Variants in MKLN1 observed in about 807,000 individuals in gnomAD.
The protein encoded by MKLN1 is muskelin 1.
Under a neutral mutation model 99.0 loss-of-function variants are expected in MKLN1, and 18 were observed. The ratio of observed to expected loss-of-function variants is 0.18; its 90% CI spans 0.13 to 0.27. The LOEUF (loss-of-function observed/expected upper bound fraction) is 0.27. Among genes scored for constraint, MKLN1 ranks in the 10% least tolerant of loss-of-function variants. MKLN1 has a pLI of 1.00. For synonymous variants in MKLN1, 288 were observed against 293.2 expected, an observed-to-expected ratio of 0.98 and a Z score of 0.18; for missense variants, 621 against 875.9, an observed-to-expected ratio of 0.71 and a Z score of 3.67.
chr7:131,382,064 T>G (rs1793866221), intron 2 of MKLN1, among the ~76,000 whole-genome samples: 2 of 152,172 alleles, frequency 1.3e-5, no homozygotes, highest in South Asian at 4.1e-4. Context: ...AAAGATGTGC[T>G]AAAAATTAAT....
At chr7:131,333,687 C>A (rs1373651912) in intron 1 of MKLN1, among the ~76,000 whole-genome samples, 7 of 152,124 alleles carry the variant, frequency 4.6e-5, no homozygotes. Context: ...CAGGCATGTG[C>A]CACCATACCC....
intron 3 of MKLN1, among the ~76,000 whole-genome samples, chr7:131,321,580 GT>G (rs1798777151): frequency 6.6e-6 from 1 of 152,000 alleles, no homozygotes; most frequent in South Asian, 2.1e-4. Context: ...AGAATTTAAA[GT>G]AAAATTTAAA....
chr7:131,237,145 T>C (rs1048992788), intron 3 of MKLN1, among the ~76,000 whole-genome samples: 1 of 152,198 alleles, frequency 6.6e-6, no homozygotes, highest in Non-Finnish European at 1.5e-5. Flanking sequence ...CTGGCCTTAG[T>C]GTATATATGC....
chr7:131,236,648 G>A (rs990020283), intron 3 of MKLN1, among the ~76,000 whole-genome samples: 1 of 152,058 alleles, frequency 6.6e-6, no homozygotes, highest in Non-Finnish European at 1.5e-5. Flanking sequence ...GTAACAGAGT[G>A]AGATTCCATC....
In MKLN1 at chr7:131,487,657, A is replaced by G; in HGVS notation, c.2137A>G (p.Thr713Ala). 1 of 1,613,038 alleles carries G rather than the reference A, an allele frequency of 6.2e-7. No homozygotes were observed. The highest frequency in any genetic ancestry group is 1.7e-4 in the Middle Eastern group (1 of 6,052). The change falls in exon 18 of 18, where the codon ACC becomes GCC. Residue 713 changes from threonine (T) to alanine (A), a missense_variant. By Grantham distance (58) the Thr-to-Ala change is moderately conservative. Around this residue, in one of 8 missense-constraint regions of MKLN1, gnomAD observed 126 missense variants for 157.4 expected, o/e 0.80. Coordinates refer to ENST00000352689, the MANE Select transcript of MKLN1 (RefSeq NM_013255.5). This position sits in a 1 kb window ranked among gnomAD's most constrained non-coding sequence, Gnocchi z 4.7. ...TYAQRTQLFD[T>A]LVNFFPDSMT... is the part of the protein sequence containing the mutation. ...TGCTCAAAGAACTCAGCTCTTTGAC[A>G]CCTTAGTAAATTTCTTTCCTGACAG...
In MKLN1 at chr7:131,496,088, C is replaced by G. The variant is rs1437814637; in HGVS notation, c.*8360C>G. On this transcript the variant is annotated 3_prime_UTR_variant, in exon 18 of 18. Coordinates refer to ENST00000352689, the MANE Select transcript of MKLN1 (RefSeq NM_013255.5). ...TCTCAAAAAAAATTGTATTTCTGTG[C>G]ACATTAGCTGAGATTCACACATTTT... 1 of 152,124 alleles carries G rather than the reference C, an allele frequency of 6.6e-6. No individual in the cohort carries two copies. Among genetic ancestry groups the G allele is most frequent in the Non-Finnish European group, 1.5e-5 (1 of 68,032 alleles). The allele number at this position is 152,124 out of a possible 1,614,324, so 9.4% of individuals were successfully genotyped here. A position where few individuals can be genotyped will look rare whatever the true frequency, so the allele number is the denominator to read the frequency against.
chr7:131,370,178 T>G (rs1298991028), intron 1 of MKLN1, among the ~76,000 whole-genome samples: 3 of 152,134 alleles, frequency 2.0e-5, no homozygotes, highest in Non-Finnish European at 4.4e-5. Context: ...GAGTTAACTT[T>G]CTTCTGATGG....
At chr7:131,277,900 A>G (rs887283529) in intron 3 of MKLN1, among the ~76,000 whole-genome samples, 6 of 152,194 alleles carry the variant, frequency 3.9e-5, no homozygotes, top group African/African-American at 1.4e-4. Flanking sequence ...CACCTTTTAT[A>G]TATCAACAAA....
intron 13 of MKLN1, 28 bp from the exon 14 acceptor site, chr7:131,464,266 A>G (rs770934661): frequency 5.8e-6 from 8 of 1,380,590 alleles, no homozygotes; most frequent in African/African-American, 1.4e-5. Context: ...CTAATTCTCT[A>G]GAATGCCTTA....
intron 6 of MKLN1, among the ~76,000 whole-genome samples, chr7:131,410,993 A>G (rs1030597331): frequency 4.6e-5 from 7 of 152,122 alleles, no homozygotes; most frequent in African/African-American, 1.7e-4. Flanking sequence ...ATAATGTCAC[A>G]TACGTGTCCG....
intron 3 of MKLN1, among the ~76,000 whole-genome samples, chr7:131,321,933 T>C (rs1798784305): frequency 6.6e-6 from 1 of 152,240 alleles, no homozygotes; most frequent in African/African-American, 2.4e-5. Flanking sequence ...CCAAATGGTC[T>C]GTATGTCCCA....
At chr7:131,183,530 G>C (rs1796404795) in intron 2 of MKLN1, among the ~76,000 whole-genome samples, 1 of 152,080 alleles carries the variant, frequency 6.6e-6, no homozygotes, top group African/African-American at 2.4e-5. Flanking sequence ...ATGAGAGAAT[G>C]CAAGTTTTCG....
chr7:131,425,133 A>G (rs1457346996), intron 8 of MKLN1, among the ~76,000 whole-genome samples: 4 of 152,330 alleles, frequency 2.6e-5, no homozygotes, highest in African/African-American at 9.6e-5. Context: ...TAAGAAACCA[A>G]TAGTTAAGGA....
intron 12 of MKLN1, among the ~76,000 whole-genome samples, chr7:131,451,847 G>GGTCT (rs1461844017): frequency 6.6e-6 from 1 of 152,146 alleles, no homozygotes; most frequent in Non-Finnish European, 1.5e-5. Context: ...TGTAGAAGAT[G>GGTCT]GTCTGTCACA....
chr7:131,216,422 CA>C (rs34071524), intron 3 of MKLN1, among the ~76,000 whole-genome samples: 65,853 of 116,300 alleles, frequency 0.57, 15,552 homozygotes, highest in Admixed American at 0.62. Context: ...GTCTCTGACT[CA>C]AAAAAAAAAA....
intron 1 of MKLN1, among the ~76,000 whole-genome samples, chr7:131,134,648 C>T (rs1049316447): frequency 1.3e-5 from 2 of 152,168 alleles, no homozygotes; most frequent in East Asian, 1.9e-4. Context: ...AAACCTCTAT[C>T]TAATTGATAA....
At chr7:131,240,407 AGG>A (rs1797384865) in intron 3 of MKLN1, among the ~76,000 whole-genome samples, 1 of 152,210 alleles carries the variant, frequency 6.6e-6, no homozygotes, top group Non-Finnish European at 1.5e-5. Flanking sequence ...ATATTGGCAA[AGG>A]ATATAAATGA....
At chr7:131,350,779 C>T (rs1487251811) in intron 1 of MKLN1, among the ~76,000 whole-genome samples, 2 of 152,142 alleles carry the variant, frequency 1.3e-5, no homozygotes, top group African/African-American at 4.8e-5. Flanking sequence ...AAAAACAAGT[C>T]ACTAGGCCAA....
intron 15 of MKLN1, among the ~76,000 whole-genome samples, chr7:131,469,949 C>T (rs1477698856): frequency 1.3e-5 from 2 of 150,714 alleles, no homozygotes; most frequent in Non-Finnish European, 2.9e-5. Flanking sequence ...AATCATGGCT[C>T]ACTACACCCT....
Sources: allele counts gnomAD v4.1 joint callset (sites outside exome capture counted in the v4.1 genomes callset), GRCh38; gene constraint gnomAD v4.1.1; regional missense constraint gnomAD v4.1.1; non-coding constraint Gnocchi (gnomAD v3.1); transcripts MANE v1.5; gene names NCBI Gene and HGNC (gene_info 2026-07-23, HGNC 2026-07-21).